Variants in ELAPOR1 observed in about 807,000 individuals in gnomAD.
The protein encoded by ELAPOR1 is endosome/lysosome-associated apoptosis and autophagy regulator 1.
A neutral mutation model predicts 119.7 loss-of-function variants in ELAPOR1; 77 were observed. The ratio of observed to expected loss-of-function variants is 0.64; its 90% CI spans 0.54 to 0.78. The LOEUF is 0.78. Ranked by LOEUF, ELAPOR1 falls within the 30% of genes least tolerant of loss-of-function variation. The probability of loss-of-function intolerance (pLI) is 0.00; values close to 1 mark genes in which losing one functional copy is unlikely to be tolerated. For synonymous variants in ELAPOR1, 481 were observed against 487.2 expected (o/e 0.99, Z 0.17); for missense variants, 1,115 against 1,270.4 (o/e 0.88, Z 1.86).
intron 3 of ELAPOR1, 30 bp downstream of exon 3, chr1:109,164,721 C>A (rs1264212161): frequency 1.3e-6 from 2 of 1,588,274 alleles, no homozygotes; most frequent in Non-Finnish European, 1.7e-6. Context: ...CACCCCACCC[C>A]CAGCCCACTG....
chr1:109,133,297 A>G (rs1025174518), intron 1 of ELAPOR1, among the ~76,000 whole-genome samples: 1 of 152,144 alleles, frequency 6.6e-6, no homozygotes, highest in Non-Finnish European at 1.5e-5. Flanking sequence ...TATGAATGCT[A>G]TATAAGCAAA....
Position 109,203,241 on chromosome 1 carries a change from C to T in ELAPOR1, c.*229C>T, listed in dbSNP as rs955222170. On this transcript the variant is annotated 3_prime_UTR_variant, in exon 22 of 22. Transcript: ENST00000369939. ...ACTTTGTTTGTAAATTATGCCCTTG[C>T]TTGTATCTTGTTTCCCAAAATGGCC... 1.2e-5 allele frequency: 6 copies of T among 508,302 alleles called. No homozygotes were observed. The highest frequency in any genetic ancestry group is 7.4e-5 in the East Asian group (2 of 27,136). 31.5% of individuals were successfully genotyped at this position (508,302 alleles called of 1,614,324 possible).
At chr1:109,149,249 G>C (rs1650377999) in intron 1 of ELAPOR1, among the ~76,000 whole-genome samples, 1 of 152,090 alleles carries the variant, frequency 6.6e-6, no homozygotes. Flanking sequence ...CTCTCAGCTG[G>C]GAGAACACGT....
chr1:109,142,684 C>A (rs550041351), intron 1 of ELAPOR1, among the ~76,000 whole-genome samples: 7 of 152,140 alleles, frequency 4.6e-5, no homozygotes, highest in Non-Finnish European at 1.0e-4. Context: ...GAAATTGGAG[C>A]CTTCATACAT....
chr1:109,194,457 C>G lies in ELAPOR1; in HGVS notation c.1984C>G (p.Arg662Gly), dbSNP rs748832482. 24 of 1,613,850 alleles carry G rather than the reference C, an allele frequency of 1.5e-5. No individual in the cohort carries two copies. The highest frequency in any genetic ancestry group is 1.9e-5 in the Non-Finnish European group (23 of 1,179,712). ...SLCYNDCTFSRNTPTRTFNYN... is the reference protein window; with the variant it reads ...SLCYNDCTFSGNTPTRTFNYN... ...GTGCTACAACGATTGCACCTTCTCA[C>G]GCAACACTCCGACCAGGACTTTCAA... Residue 662 changes from arginine to glycine, a missense_variant, in exon 15 of 22, where the codon CGC becomes GGC. By Grantham distance (125) the Arg-to-Gly change is moderately radical. Coordinates refer to ENST00000369939, the MANE Select transcript of ELAPOR1 (RefSeq NM_020775.5).
At chr1:109,149,950 C>T (rs761413554) in intron 1 of ELAPOR1, among the ~76,000 whole-genome samples, 10 of 152,300 alleles carry the variant, frequency 6.6e-5, no homozygotes, top group Non-Finnish European at 1.2e-4. Context: ...GATGCAGGTA[C>T]AGTGCCGGGC....
intron 1 of ELAPOR1, among the ~76,000 whole-genome samples, chr1:109,116,630 A>G (rs898468347): frequency 1.3e-5 from 2 of 151,954 alleles, no homozygotes; most frequent in African/African-American, 4.8e-5. Flanking sequence ...GGGGGCTTCC[A>G]ACCCCAAATG....
At chr1:109,148,904 T>C (rs1462753114) in intron 1 of ELAPOR1, among the ~76,000 whole-genome samples, 2 of 152,232 alleles carry the variant, frequency 1.3e-5, no homozygotes, top group African/African-American at 4.8e-5. Context: ...TTGGAATTTA[T>C]AAAGGGACAT....
chr1:109,141,508 G>A (rs955887865), intron 1 of ELAPOR1, among the ~76,000 whole-genome samples: 4 of 150,694 alleles, frequency 2.7e-5, no homozygotes, highest in Non-Finnish European at 4.4e-5. Flanking sequence ...TGATCTGCCC[G>A]CCTCAGCCTC....
At chr1:109,168,784 C>G (rs1651752893) in intron 3 of ELAPOR1, among the ~76,000 whole-genome samples, 2 of 152,084 alleles carry the variant, frequency 1.3e-5, no homozygotes, top group Admixed American at 1.3e-4. Flanking sequence ...TTTCTTCATT[C>G]TAAAAATGAT....
intron 3 of ELAPOR1, among the ~76,000 whole-genome samples, chr1:109,169,496 G>A (rs1046435945): frequency 2.4e-4 from 37 of 152,146 alleles, no homozygotes; most frequent in African/African-American, 8.4e-4. Context: ...TGATCCACCC[G>A]CCTCAGCCTC....
chr1:109,146,470 CT>C lies in ELAPOR1; in HGVS notation c.154-15423del, dbSNP rs762060141. ...TGGGAGTCACTTAGTGTTACTTCTG[CT>C]GTACTTTGCCTATTGGTCTAAGTAG... On this transcript the variant is annotated intron_variant, in intron 1 of 21. Coordinates refer to ENST00000369939, the MANE Select transcript of ELAPOR1 (RefSeq NM_020775.5). 4.9e-4 allele frequency among the ~76,000 whole-genome samples: 74 copies of C among 152,286 alleles called. No homozygotes were observed. The Middle Eastern group carries it at 0.01, about 21-fold the overall frequency.
chr1:109,137,337 G>A (rs1055812263), intron 1 of ELAPOR1, among the ~76,000 whole-genome samples: 2 of 149,158 alleles, frequency 1.3e-5, no homozygotes, highest in African/African-American at 5.0e-5. Flanking sequence ...CCAAGTAGCT[G>A]GGACTACAGG....
intron 18 of ELAPOR1, among the ~76,000 whole-genome samples, chr1:109,199,483 C>T (rs1654027341): frequency 6.6e-6 from 1 of 152,184 alleles, no homozygotes; most frequent in Non-Finnish European, 1.5e-5. Flanking sequence ...AACTCCAATC[C>T]CACCCCGAGG....
intron 1 of ELAPOR1, among the ~76,000 whole-genome samples, chr1:109,120,587 T>C (rs1648341934): frequency 6.6e-6 from 1 of 152,132 alleles, no homozygotes; most frequent in African/African-American, 2.4e-5. Context: ...CCATTGTTTA[T>C]AAATTACCTA....
chr1:109,192,578 C>G (rs1653506009), intron 13 of ELAPOR1, 33 bp from the exon 14 acceptor site: 4 of 1,609,430 alleles, frequency 2.5e-6, no homozygotes, highest in African/African-American at 2.7e-5. Context: ...TCTCAGGCCT[C>G]TCCCCTCTCC....
At chr1:109,196,169 C>CT (rs1653782277) in intron 15 of ELAPOR1, among the ~76,000 whole-genome samples, 3 of 151,944 alleles carry the variant, frequency 2.0e-5, no homozygotes, top group African/African-American at 7.3e-5. Context: ...AAAAAAGTGA[C>CT]AATATAAAGA....
At chr1:109,184,789 C>T (rs781614424) in intron 7 of ELAPOR1, among the ~76,000 whole-genome samples, 9 of 152,136 alleles carry the variant, frequency 5.9e-5, no homozygotes, top group Non-Finnish European at 8.8e-5. Context: ...CCCCATGGGG[C>T]GGGGGACGGG....
In ELAPOR1 at chr1:109,202,972, C is replaced by A; in HGVS notation, c.3002C>A (p.Pro1001Gln). 1 of 1,613,708 alleles carries A rather than the reference C, an allele frequency of 6.2e-7. No individual in the cohort carries two copies. Among genetic ancestry groups the A allele is most frequent in the East Asian group, 2.2e-5 (1 of 44,846 alleles). ...KRTPDGFDSV[P>Q]LKTSSGGLDM... ...ACTCCTGATGGATTTGACTCAGTGC[C>A]GCTGAAGACATCCTCAGGAGGCCTA... Residue 1001 changes from proline (P) to glutamine (Q), a missense_variant, in exon 22 of 22, where the codon CCG becomes CAG. Physicochemically the swap from Pro to Gln is moderately conservative, Grantham distance 76. Transcript: ENST00000369939.
Sources: gnomAD v4.1 joint callset for allele counts (sites outside exome capture counted in the v4.1 genomes callset) on GRCh38, gnomAD v4.1.1 for gene constraint, MANE v1.5 for transcripts, NCBI Gene and HGNC (gene_info 2026-07-23, HGNC 2026-07-21) for gene names.